Variants in ENTPD7 observed in about 807,000 individuals in gnomAD.
The protein encoded by ENTPD7 is ectonucleoside triphosphate diphosphohydrolase 7, also known as NTPDase 7.
A neutral mutation model predicts 77.9 loss-of-function variants in ENTPD7; 53 were observed. The observed-to-expected ratio is 0.68, with a 90% CI of 0.55 to 0.85. ENTPD7 has a LOEUF of 0.85. Among genes scored for constraint, ENTPD7 ranks in the 40% least tolerant of loss-of-function variants. ENTPD7 has a pLI of 0.00. For missense variants in ENTPD7, 636 were observed against 743.7 expected, an observed-to-expected ratio of 0.86 and a Z score of 1.68; for synonymous variants, 248 against 274.9, an observed-to-expected ratio of 0.90 and a Z score of 0.97.
chr10:99,683,891 C>T (rs543912404), intron 5 of ENTPD7, among the ~76,000 whole-genome samples: 8 of 152,124 alleles, frequency 5.3e-5, no homozygotes, highest in East Asian at 1.9e-4. Flanking sequence ...AAATAATTTT[C>T]ATTGTTATAA....
Position 99,698,300 on chromosome 10 carries a change from C to T in ENTPD7, c.1011-234C>T, listed in dbSNP as rs543078740. 1.2e-4 allele frequency among the ~76,000 whole-genome samples: 18 copies of T among 152,330 alleles called. No individual in the cohort carries two copies. The South Asian group carries it at 3.1e-3, about 26-fold the overall frequency. On this transcript the variant is annotated intron_variant, in intron 9 of 12. Transcript: ENST00000370489. ...CAATTTCACTACAGACTAGGAAATACACATGTTGACTAAAATGTCGAACAG... is the reference window on the plus strand; with the variant it reads ...CAATTTCACTACAGACTAGGAAATATACATGTTGACTAAAATGTCGAACAG...
At chr10:99,671,612 G>T (rs150917420) in intron 3 of ENTPD7, among the ~76,000 whole-genome samples, 68 of 152,346 alleles carry the variant, frequency 4.5e-4, no homozygotes, top group African/African-American at 1.5e-3. Flanking sequence ...GACTGTGTAA[G>T]AGGAACTTCT....
At chr10:99,699,597 C>T (rs117562524) in intron 10 of ENTPD7, among the ~76,000 whole-genome samples, 2 of 152,290 alleles carry the variant, frequency 1.3e-5, no homozygotes, top group Non-Finnish European at 2.9e-5. Flanking sequence ...TGGGGTCTCG[C>T]TCTGTAGCCC....
chr10:99,684,776 T>C (rs1003046969), intron 5 of ENTPD7, among the ~76,000 whole-genome samples: 6 of 152,216 alleles, frequency 3.9e-5, no homozygotes, highest in African/African-American at 1.4e-4. Context: ...CTTTGCTTGA[T>C]AATATTGATT....
At chr10:99,667,885 GTT>G (rs1184144840) in intron 3 of ENTPD7, among the ~76,000 whole-genome samples, 1 of 133,204 alleles carries the variant, frequency 7.5e-6, no homozygotes, top group African/African-American at 2.8e-5. Context: ...TGTTAAAACT[GTT>G]TTATTACATA....
intron 6 of ENTPD7, among the ~76,000 whole-genome samples, chr10:99,688,194 T>G (rs2035837253): frequency 6.6e-6 from 1 of 152,196 alleles, no homozygotes; most frequent in African/African-American, 2.4e-5. Context: ...CAAGCTGCTC[T>G]TAAGTCTAGA....
intron 2 of ENTPD7, chr10:99,660,438 A>G (rs1354071461): frequency 1.5e-5 from 15 of 996,800 alleles, no homozygotes; most frequent in Non-Finnish European, 2.1e-5. Context: ...TGCACCAATA[A>G]GGGAAAGTTA....
rs911930659 is a variant in ENTPD7 at position 99,709,673 on chromosome 10, C to G, written c.*4990C>G. ...AAGCTGTGGCACCCTGTTTGGGTGT[C>G]CCATCTACCCTGTTTTCTGTTTCTG... On this transcript the variant is annotated 3_prime_UTR_variant, in exon 13 of 13. Coordinates refer to ENST00000370489, the MANE Select transcript of ENTPD7 (RefSeq NM_020354.5). 1.0e-5 allele frequency: 10 copies of G among 985,394 alleles called. No individual in the cohort carries two copies. Among genetic ancestry groups the G allele is most frequent in the Non-Finnish European group, 1.2e-5 (10 of 829,928 alleles). The allele number at this position is 985,394 out of a possible 1,614,324, so 61.0% of individuals were successfully genotyped here. A position where few individuals can be genotyped will look rare whatever the true frequency, so the allele number is the denominator to read the frequency against.
At chr10:99,698,941 G>A in intron 10 of ENTPD7, 83 bp downstream of exon 10, 1 of 1,297,966 alleles carries the variant, frequency 7.7e-7, no homozygotes. Context: ...GCTGTGCAAA[G>A]GGCTTTGCAT....
intron 7 of ENTPD7, among the ~76,000 whole-genome samples, chr10:99,689,030 C>A (rs78330696): frequency 6.6e-6 from 1 of 151,948 alleles, no homozygotes; most frequent in East Asian, 1.9e-4. Context: ...CCCCATATCC[C>A]CCCATGTATT....
intron 8 of ENTPD7, among the ~76,000 whole-genome samples, chr10:99,694,476 A>C (rs1446087767): frequency 6.7e-6 from 1 of 150,322 alleles, no homozygotes; most frequent in African/African-American, 2.4e-5. Context: ...CTTTTTGGCT[A>C]TTATGCACAG....
chr10:99,664,616 A>G (rs1165501603), intron 3 of ENTPD7, among the ~76,000 whole-genome samples: 1 of 151,384 alleles, frequency 6.6e-6, no homozygotes, highest in African/African-American at 2.4e-5. Context: ...TGCCTGGCTA[A>G]TTTTTTGTAT....
chr10:99,659,755 G>C lies in ENTPD7; in HGVS notation c.-95-107G>C. The C allele has an allele frequency of 1.5e-6, 1 of 657,034 alleles. No individual in the cohort carries two copies. Among genetic ancestry groups the C allele is most frequent in the Non-Finnish European group, 2.5e-6 (1 of 395,068 alleles). The allele number at this position is 657,034 out of a possible 1,614,324, so 40.7% of individuals were successfully genotyped here. ...AGGGTCCCCTGGGCCTGAGGAACCA[G>C]AGCAGACGGAGCGGGAGCCTGGGGA... On this transcript the variant is annotated intron_variant, in intron 1 of 12. Transcript: ENST00000370489. The surrounding 1 kb of genome is among the most constrained non-coding windows in gnomAD (Gnocchi z 4.1).
chr10:99,711,109 A>C lies in ENTPD7; in HGVS notation c.*6426A>C. ...TGGGAATAACATAAATACAAAAAAAACCCTAAGATAATCATTCACCAGAAG... is the reference window on the plus strand; with the variant it reads ...TGGGAATAACATAAATACAAAAAAACCCCTAAGATAATCATTCACCAGAAG... On this transcript the variant is annotated 3_prime_UTR_variant, in exon 13 of 13. Transcript: ENST00000370489. The C allele has an allele frequency of 2.0e-6, 2 of 984,508 alleles. No individual in the cohort carries two copies. The highest frequency in any genetic ancestry group is 2.4e-6 in the Non-Finnish European group (2 of 829,558). 61.0% of individuals were successfully genotyped at this position (984,508 alleles called of 1,614,324 possible). A position where few individuals can be genotyped will look rare whatever the true frequency, so the allele number is the denominator to read the frequency against.
In ENTPD7 at chr10:99,685,805, A is replaced by G. The variant is rs370666357; in HGVS notation, c.562A>G (p.Ile188Val). The change falls in exon 6 of 13, where the codon ATC (isoleucine) becomes GTC (valine). Residue 188 changes from isoleucine (I) to valine (V), a missense_variant. By Grantham distance (29) the Ile-to-Val change is conservative. This residue lies in a region of ENTPD7 where 486 missense variants were observed against 556.5 expected (regional missense o/e 0.87). Transcript: ENST00000370489. ...TCTTTCTTGCAGGAAGCAGTTGGCT[A>G]TCTTGGCTGACCTAGTGAAAGATTT... is the stretch of plus-strand genomic sequence containing the variant. ...RLLPERKQLAILADLVKDLPL... is the reference protein window; with the variant it reads ...RLLPERKQLAVLADLVKDLPL... 2.5e-6 allele frequency: 4 copies of G among 1,613,820 alleles called. No homozygotes were observed. Among genetic ancestry groups the G allele is most frequent in the African/African-American group, 1.3e-5 (1 of 75,010 alleles).
Position 99,661,448 on chromosome 10 carries a change from T to G in ENTPD7, c.11T>G (p.Ile4Ser). Residue 4 changes from isoleucine (I) to serine (S), a missense_variant and splice_region_variant, in exon 3 of 13, where the codon ATC becomes AGC. Transcript: ENST00000370489. ...TACTAATGTTTGTCTAATTTCAGGA[T>G]CAGTTTTTCCTACCTCTGCCCAGCC... MAR[I>S]SFSYLCPASW... 6.3e-7 allele frequency: 1 copy of G among 1,591,396 alleles called. No homozygotes were observed. Among genetic ancestry groups the G allele is most frequent in the Non-Finnish European group, 8.5e-7 (1 of 1,172,448 alleles).
intron 3 of ENTPD7, among the ~76,000 whole-genome samples, chr10:99,666,062 A>G (rs2035546377): frequency 6.6e-6 from 1 of 152,174 alleles, no homozygotes; most frequent in African/African-American, 2.4e-5. Context: ...GGCTAAAGAC[A>G]ATTAGGGAGT....
intron 5 of ENTPD7, among the ~76,000 whole-genome samples, chr10:99,681,006 G>A (rs952360713): frequency 2.0e-5 from 3 of 152,082 alleles, no homozygotes; most frequent in Non-Finnish European, 2.9e-5. Context: ...GCATATTGTC[G>A]TTAGTGTTCA....
intron 7 of ENTPD7, 28 bp downstream of exon 7, chr10:99,688,778 T>C: frequency 6.2e-7 from 1 of 1,609,664 alleles, no homozygotes; most frequent in East Asian, 2.2e-5. Context: ...TTTATGACAG[T>C]TTACCTAAGG....
Sources: gnomAD v4.1 joint callset for allele counts (sites outside exome capture counted in the v4.1 genomes callset) on GRCh38, gnomAD v4.1.1 for gene constraint, gnomAD v4.1.1 regional missense constraint, Gnocchi (gnomAD v3.1) non-coding constraint, MANE v1.5 for transcripts, NCBI Gene and HGNC (gene_info 2026-07-23, HGNC 2026-07-21) for gene names.